CTNNA2: variants seen among roughly 807,000 people sequenced by gnomAD.
CTNNA2 encodes catenin alpha 2, also known as catenin alpha-2.
CTNNA2 carries 42 observed loss-of-function variants against 101.0 expected under a neutral mutation model. The ratio of observed to expected loss-of-function variants is 0.42; its 90% CI spans 0.32 to 0.54. CTNNA2 has a LOEUF of 0.54. CTNNA2 is among the 20% of genes least tolerant of loss of function. The pLI is 0.14. For synonymous variants in CTNNA2, 450 were observed against 456.4 expected, an observed-to-expected ratio of 0.99 and a Z score of 0.18; for missense variants, 871 against 1,223.1, an observed-to-expected ratio of 0.71 and a Z score of 4.29.
intron 2 of CTNNA2, among the ~76,000 whole-genome samples, chr2:79,209,669 C>A (rs569464105): frequency 1.7e-5 from 2 of 116,902 alleles, no homozygotes; most frequent in South Asian, 5.4e-4. Flanking sequence ...CCAGACGCAC[C>A]AGAAAATACA....
chr2:79,647,017 A>C (rs1162738284), intron 1 of CTNNA2, among the ~76,000 whole-genome samples: 1 of 152,136 alleles, frequency 6.6e-6, no homozygotes, highest in East Asian at 1.9e-4. Flanking sequence ...TAAAATATAA[A>C]TTTTTACTTT....
intron 9 of CTNNA2, among the ~76,000 whole-genome samples, chr2:80,463,899 G>A (rs867032600): frequency 1.3e-5 from 2 of 152,162 alleles, no homozygotes; most frequent in Non-Finnish European, 1.5e-5. Context: ...GCTAATGGTC[G>A]TGGAGTCATA....
intron 11 of CTNNA2, among the ~76,000 whole-genome samples, chr2:80,554,093 A>G (rs1247358447): frequency 1.3e-5 from 2 of 152,320 alleles, no homozygotes; most frequent in Middle Eastern, 3.4e-3. Context: ...GTATGAGGTC[A>G]AAATGGATGT....
intron 7 of CTNNA2, among the ~76,000 whole-genome samples, chr2:80,159,588 C>T (rs1490777455): frequency 6.6e-6 from 1 of 152,170 alleles, no homozygotes; most frequent in Admixed American, 6.5e-5. Context: ...CTAATTTCTC[C>T]TGCCTCAGCC....
intron 4 of CTNNA2, among the ~76,000 whole-genome samples, chr2:79,864,593 A>G (rs1183075083): frequency 6.6e-6 from 1 of 152,222 alleles, no homozygotes; most frequent in African/African-American, 2.4e-5. Context: ...ATCTAGGCCA[A>G]TGAATGAATG....
intron 3 of CTNNA2, among the ~76,000 whole-genome samples, chr2:79,339,209 A>G (rs1364950260): frequency 6.6e-6 from 1 of 152,204 alleles, no homozygotes; most frequent in African/African-American, 2.4e-5. Flanking sequence ...GGCTAAGAAC[A>G]GTAAGAACTA....
At chr2:79,468,572 A>G (rs1488668779) in intron 4 of CTNNA2, among the ~76,000 whole-genome samples, 1 of 152,220 alleles carries the variant, frequency 6.6e-6, no homozygotes, top group Admixed American at 6.5e-5. Context: ...TCAACAGAAT[A>G]TATATTCTTC....
chr2:80,626,844 C>T (rs1418268805), intron 18 of CTNNA2, among the ~76,000 whole-genome samples: 1 of 152,014 alleles, frequency 6.6e-6, no homozygotes, highest in Non-Finnish European at 1.5e-5. Context: ...AGATATTTCT[C>T]CTAATGCTAT....
At chr2:79,653,223 T>G (rs1681379300) in intron 2 of CTNNA2, among the ~76,000 whole-genome samples, 1 of 152,176 alleles carries the variant, frequency 6.6e-6, no homozygotes, top group South Asian at 2.1e-4. Context: ...TCAGAATTAT[T>G]TCTTCATTTT....
At chr2:80,603,760 T>C (rs1202076732) in intron 15 of CTNNA2, 1 of 270,436 alleles carries the variant, frequency 3.7e-6, no homozygotes, top group Non-Finnish European at 7.1e-6. Context: ...GTACAACAGC[T>C]TTTGGTACAC....
intron 7 of CTNNA2, among the ~76,000 whole-genome samples, chr2:80,129,783 A>C (rs1702315997): frequency 6.6e-6 from 1 of 152,128 alleles, no homozygotes; most frequent in Admixed American, 6.5e-5. Context: ...AAGTGATGGA[A>C]ATTCCTTTGG....
rs550479044 is a variant in CTNNA2, at chr2:80,212,119, G to T, written c.1057-181092G>T. On this transcript the variant is annotated intron_variant, in intron 7 of 18. Coordinates refer to ENST00000402739, the MANE Select transcript of CTNNA2 (RefSeq NM_001282597.3). ...CTATCAGCTTAAGGAGATTTTGGGC[G>T]GAGACAATGGGGTTTTCTAGATATA... Among the ~76,000 whole-genome samples, 294 of 152,154 alleles carry T rather than the reference G, an allele frequency of 1.9e-3. 1 individual carries two copies. The highest frequency in any genetic ancestry group is 0.019 in the South Asian group (91 of 4,814).
At chr2:79,597,331 G>A (rs1677261027) in intron 1 of CTNNA2, among the ~76,000 whole-genome samples, 2 of 152,024 alleles carry the variant, frequency 1.3e-5, no homozygotes, top group Non-Finnish European at 2.9e-5. Context: ...AATTAGCCGG[G>A]CGTGGTGGCG....
At chr2:80,035,264 C>T (rs915346805) in intron 7 of CTNNA2, among the ~76,000 whole-genome samples, 11 of 152,124 alleles carry the variant, frequency 7.2e-5, no homozygotes, top group Non-Finnish European at 1.6e-4. Context: ...ATCCTGTCTC[C>T]ACCGCTTACA....
At chr2:79,642,871 G>A (rs1413243219) in intron 1 of CTNNA2, among the ~76,000 whole-genome samples, 1 of 151,264 alleles carries the variant, frequency 6.6e-6, no homozygotes, top group Non-Finnish European at 1.5e-5. Flanking sequence ...CTTACAATAG[G>A]GTATCCACAT....
chr2:80,394,108 G>C (rs1677773054), intron 8 of CTNNA2, among the ~76,000 whole-genome samples: 2 of 152,206 alleles, frequency 1.3e-5, no homozygotes, highest in Non-Finnish European at 2.9e-5. Context: ...ATTGTTGACT[G>C]TGACAGCCAG....
At chr2:79,870,785 C>T (rs79137129) in intron 5 of CTNNA2, among the ~76,000 whole-genome samples, 13,855 of 152,016 alleles carry the variant, frequency 0.091, 728 homozygotes, top group East Asian at 0.15. Context: ...ATCAGACCCC[C>T]GTGGGAACTC....
At chr2:79,485,736 T>G (rs1671151245) in intron 4 of CTNNA2, among the ~76,000 whole-genome samples, 1 of 152,210 alleles carries the variant, frequency 6.6e-6, no homozygotes, top group South Asian at 2.1e-4. Context: ...CAGCAACTGA[T>G]GTAGGCCTCA....
chr2:80,171,090 T>C (rs1705021041), intron 7 of CTNNA2, among the ~76,000 whole-genome samples: 1 of 152,230 alleles, frequency 6.6e-6, no homozygotes, highest in African/African-American at 2.4e-5. Context: ...AAAATTCTCC[T>C]TAGTCATCCA....
Sources: allele counts gnomAD v4.1 joint callset (sites outside exome capture counted in the v4.1 genomes callset), GRCh38; gene constraint gnomAD v4.1.1; transcripts MANE v1.5; gene names NCBI Gene and HGNC (gene_info 2026-07-23, HGNC 2026-07-21).